The following PLXNA2 variants were observed in gnomAD, a reference collection of about 807,000 sequenced individuals.
The protein encoded by PLXNA2 is plexin-A2.
In PLXNA2, 91 loss-of-function variants were observed where a neutral mutation model predicts 193.5. The ratio of observed to expected loss-of-function variants is 0.47; its 90% CI spans 0.40 to 0.56. The LOEUF is 0.56. Among genes scored for constraint, PLXNA2 ranks in the 20% least tolerant of loss-of-function variants. The pLI is 0.00. For synonymous variants in PLXNA2, 997 were observed against 1,027.3 expected (o/e 0.97, Z 0.56); for missense variants, 1,995 against 2,503.2 (o/e 0.80, Z 4.33).
intron 27 of PLXNA2, among the ~76,000 whole-genome samples, chr1:208,034,177 A>C (rs1431825727): frequency 1.3e-5 from 2 of 152,246 alleles, no homozygotes; most frequent in African/African-American, 2.4e-5. Flanking sequence ...CAACAAGCAT[A>C]AACTGGACTG....
At chr1:208,030,093 C>A (rs755464256) in intron 29 of PLXNA2, 1 of 985,510 alleles carries the variant, frequency 1.0e-6, no homozygotes, top group Non-Finnish European at 1.2e-6. Flanking sequence ...CAGCCTCAAG[C>A]CCTTCCACGA....
chr1:208,090,653 G>T (rs1307152916), intron 9 of PLXNA2, among the ~76,000 whole-genome samples: 1 of 152,178 alleles, frequency 6.6e-6, no homozygotes, highest in Non-Finnish European at 1.5e-5. Flanking sequence ...GCTTGGCTTT[G>T]GGTTTCTCTT....
chr1:208,043,242 C>G (rs772728414), intron 20 of PLXNA2, 39 bp from the exon 21 acceptor site: 1 of 1,601,532 alleles, frequency 6.2e-7, no homozygotes, highest in South Asian at 1.1e-5. Context: ...GTGGGGAAGC[C>G]CCAGTCGGGG....
At chr1:208,150,280 A>T (rs528323716) in intron 3 of PLXNA2, among the ~76,000 whole-genome samples, 25 of 152,280 alleles carry the variant, frequency 1.6e-4, no homozygotes, top group African/African-American at 6.0e-4. Flanking sequence ...AACACTGGAG[A>T]TTGACATTTC....
At chr1:208,183,768 T>C (rs1380823283) in intron 3 of PLXNA2, among the ~76,000 whole-genome samples, 1 of 152,210 alleles carries the variant, frequency 6.6e-6, no homozygotes, top group African/African-American at 2.4e-5. Context: ...GAAATTGCAC[T>C]GTAGCATCTT....
chr1:208,124,138 G>A (rs1331378917), intron 4 of PLXNA2, among the ~76,000 whole-genome samples: 8 of 150,408 alleles, frequency 5.3e-5, no homozygotes, highest in South Asian at 2.1e-4. Flanking sequence ...AGTATCACAC[G>A]TTCTCACTTA....
intron 4 of PLXNA2, among the ~76,000 whole-genome samples, chr1:208,111,177 G>T (rs1667461992): frequency 6.6e-6 from 1 of 152,024 alleles, no homozygotes; most frequent in Admixed American, 6.6e-5. Context: ...CAGCCCTCCT[G>T]AGTAGCTGGA....
chr1:208,097,801 T>C (rs893385880), intron 6 of PLXNA2, among the ~76,000 whole-genome samples: 6 of 152,102 alleles, frequency 3.9e-5, no homozygotes, highest in African/African-American at 1.4e-4. Flanking sequence ...ATAGGGTTCA[T>C]GGTGGTGACA....
chr1:208,167,692 C>T (rs1382182342), intron 3 of PLXNA2, among the ~76,000 whole-genome samples: 2 of 152,226 alleles, frequency 1.3e-5, no homozygotes, highest in East Asian at 3.8e-4. Flanking sequence ...CCATCAGCTG[C>T]GCTCTTCCCT....
In PLXNA2 at chr1:208,236,542, C is replaced by G. The variant is rs982279568; in HGVS notation, c.-81+7101G>C. 1.4e-4 allele frequency among the ~76,000 whole-genome samples: 21 copies of G among 152,202 alleles called. No individual in the cohort carries two copies. The highest frequency in any genetic ancestry group is 4.8e-4 in the African/African-American group (20 of 41,452). On this transcript the variant is annotated intron_variant, in intron 1 of 31. Transcript: ENST00000367033. The surrounding 1 kb of genome is among the most constrained non-coding windows in gnomAD (Gnocchi z 4.4). Reference sequence around the variant, plus strand: ...GAGCACACTGCCTGGCCGGCTGCTCCCTCTAACCCCTGCTCAAAGGTAAAA... The same window carrying G: ...GAGCACACTGCCTGGCCGGCTGCTCGCTCTAACCCCTGCTCAAAGGTAAAA...
At chr1:208,205,382 C>G (rs940900849) in intron 3 of PLXNA2, among the ~76,000 whole-genome samples, 5 of 152,212 alleles carry the variant, frequency 3.3e-5, no homozygotes, top group African/African-American at 1.2e-4. Flanking sequence ...GCTTTTCCCT[C>G]CCCTACATCT....
chr1:208,086,948 A>ACTCTTT (rs1188582493), intron 9 of PLXNA2, among the ~76,000 whole-genome samples: 83 of 134,692 alleles, frequency 6.2e-4, no homozygotes, highest in African/African-American at 2.2e-3. Context: ...TCTCTCTCGC[A>ACTCTTT]CTCTCTCTCT....
chr1:208,242,411 G>A (rs1270043312), intron 1 of PLXNA2, among the ~76,000 whole-genome samples: 2 of 152,138 alleles, frequency 1.3e-5, no homozygotes, highest in Admixed American at 6.5e-5. Flanking sequence ...GGAAATGAAT[G>A]TGCCCCCAAA....
At chr1:208,101,059 G>A (rs898586977) in intron 5 of PLXNA2, among the ~76,000 whole-genome samples, 1 of 152,228 alleles carries the variant, frequency 6.6e-6, no homozygotes, top group African/African-American at 2.4e-5. Flanking sequence ...AATTATTGAG[G>A]TTTAAGTGAA....
At chr1:208,164,962 T>A (rs1012933483) in intron 3 of PLXNA2, among the ~76,000 whole-genome samples, 2 of 152,216 alleles carry the variant, frequency 1.3e-5, no homozygotes, top group African/African-American at 2.4e-5. Context: ...ATTACAGTGA[T>A]GAGAGGCCTC....
chr1:208,083,280 C>T (rs1356293287), intron 10 of PLXNA2, among the ~76,000 whole-genome samples: 1 of 152,162 alleles, frequency 6.6e-6, no homozygotes, highest in African/African-American at 2.4e-5. Flanking sequence ...ATGACTTTCT[C>T]TCTTGTGCTG....
intron 3 of PLXNA2, among the ~76,000 whole-genome samples, chr1:208,144,176 A>C (rs1366100566): frequency 6.6e-6 from 1 of 152,174 alleles, no homozygotes; most frequent in African/African-American, 2.4e-5. Flanking sequence ...AGAGCTCCTC[A>C]GGCCAAGGCA....
chr1:208,199,392 G>T (rs1670463968), intron 3 of PLXNA2, among the ~76,000 whole-genome samples: 1 of 152,174 alleles, frequency 6.6e-6, no homozygotes, highest in Non-Finnish European at 1.5e-5. Context: ...GATGTTTTGT[G>T]CAGAAAGAAT....
chr1:208,051,567 A>G (rs1665262643), intron 15 of PLXNA2, 144 bp from the exon 16 acceptor site: 1 of 639,806 alleles, frequency 1.6e-6, no homozygotes, highest in East Asian at 2.9e-5. Flanking sequence ...ACAATGGAAC[A>G]CATCCCGCAT....
Sources: allele counts gnomAD v4.1 joint callset (sites outside exome capture counted in the v4.1 genomes callset), GRCh38; gene constraint gnomAD v4.1.1; non-coding constraint Gnocchi (gnomAD v3.1); transcripts MANE v1.5; gene names NCBI Gene and HGNC (gene_info 2026-07-23, HGNC 2026-07-21).